The following SNX24 variants were observed in gnomAD, a reference collection of about 807,000 sequenced individuals.
The protein encoded by SNX24 is sorting nexin-24.
Under a neutral mutation model 28.7 loss-of-function variants are expected in SNX24, and 22 were observed. The ratio of observed to expected loss-of-function variants is 0.77; its 90% CI spans 0.55 to 1.10. SNX24 has a LOEUF of 1.10. SNX24 is among the 50% of genes least tolerant of loss of function. The pLI is 0.00. For missense variants in SNX24, 221 were observed against 201.1 expected (o/e 1.10, Z -0.60); for synonymous variants, 69 against 71.5 (o/e 0.96, Z 0.18).
intron 1 of SNX24, among the ~76,000 whole-genome samples, chr5:122,913,550 C>T (rs1271431416): frequency 2.6e-5 from 4 of 151,266 alleles, no homozygotes; most frequent in Non-Finnish European, 4.4e-5. Flanking sequence ...TCAGACAGGG[C>T]GGCTGCTGGG....
chr5:122,959,317 C>T lies in SNX24; in HGVS notation c.249+13158C>T, dbSNP rs565941475. On this transcript the variant is annotated intron_variant, in intron 3 of 6. Coordinates refer to ENST00000261369, the MANE Select transcript of SNX24 (RefSeq NM_014035.4). ...TTTTTTTCGTGTATTCCATTTATCT[C>T]TACTCTAATCTTTATTTCCTTCCTT... Among the ~76,000 whole-genome samples the T allele has an allele frequency of 2.7e-5, 4 of 147,884 alleles. No homozygotes were observed. The East Asian group carries it at 7.9e-4, about 29-fold the overall frequency.
chr5:122,902,421 A>G (rs1757481994), intron 1 of SNX24, among the ~76,000 whole-genome samples: 1 of 152,230 alleles, frequency 6.6e-6, no homozygotes, highest in Admixed American at 6.5e-5. Context: ...ACCAGGGAAG[A>G]TAACCACACA....
chr5:122,922,958 A>G (rs1758506040), intron 1 of SNX24, among the ~76,000 whole-genome samples: 2 of 152,190 alleles, frequency 1.3e-5, no homozygotes, highest in African/African-American at 4.8e-5. Context: ...TCACATTTTT[A>G]CAGTGCAACT....
At chr5:123,019,388 C>G (rs879711388) in intron 5 of SNX24, among the ~76,000 whole-genome samples, 3 of 151,514 alleles carry the variant, frequency 2.0e-5, no homozygotes, top group Admixed American at 6.6e-5. Flanking sequence ...TGTTGAAAAA[C>G]AAAAACAAAT....
intron 1 of SNX24, among the ~76,000 whole-genome samples, chr5:122,858,512 A>G (rs942779454): frequency 6.6e-6 from 1 of 152,208 alleles, no homozygotes; most frequent in East Asian, 1.9e-4. Context: ...ATTTTTGTCA[A>G]TGAGTCTTTA....
At chr5:122,914,237 G>A (rs1267655400) in intron 1 of SNX24, among the ~76,000 whole-genome samples, 1 of 152,188 alleles carries the variant, frequency 6.6e-6, no homozygotes, top group African/African-American at 2.4e-5. Flanking sequence ...TGCATCCCAG[G>A]GATGAAGCCC....
At chr5:123,006,207 G>T (rs1314492675) in intron 6 of SNX24, among the ~76,000 whole-genome samples, 2 of 152,184 alleles carry the variant, frequency 1.3e-5, no homozygotes, top group African/African-American at 2.4e-5. Flanking sequence ...CCTTTGGCAA[G>T]TCTCACGGGT....
intron 1 of SNX24, among the ~76,000 whole-genome samples, chr5:122,870,687 C>G (rs888983925): frequency 1.3e-5 from 2 of 152,148 alleles, no homozygotes; most frequent in African/African-American, 2.4e-5. Context: ...AGAGGGGAGA[C>G]TCATGCAGCA....
intron 3 of SNX24, among the ~76,000 whole-genome samples, chr5:122,996,246 CAAG>C (rs1000193688): frequency 2.0e-5 from 3 of 152,274 alleles, no homozygotes; most frequent in Non-Finnish European, 2.9e-5. Context: ...AAAACTGAAA[CAAG>C]AAGGCCAGCG....
chr5:123,012,187 ACTT>A (rs1219197359), downstream of SNX24, among the ~76,000 whole-genome samples: 1 of 152,106 alleles, frequency 6.6e-6, no homozygotes, highest in East Asian at 1.9e-4. Flanking sequence ...AGTCAATTAA[ACTT>A]CTTTCCTTTA....
chr5:123,009,660 A>G (rs1213410816), downstream of SNX24, among the ~76,000 whole-genome samples: 1 of 152,230 alleles, frequency 6.6e-6, no homozygotes, highest in Non-Finnish European at 1.5e-5. Context: ...TTAAACTTTT[A>G]ATGTGTAATT....
At chr5:122,955,565 G>A (rs73287233) in intron 3 of SNX24, among the ~76,000 whole-genome samples, 11 of 152,152 alleles carry the variant, frequency 7.2e-5, no homozygotes, top group South Asian at 2.1e-4. Context: ...GGATGTGGAA[G>A]ACATTACCTT....
At chr5:122,875,931 C>T (rs971376939) in intron 1 of SNX24, among the ~76,000 whole-genome samples, 1 of 152,176 alleles carries the variant, frequency 6.6e-6, no homozygotes, top group Non-Finnish European at 1.5e-5. Flanking sequence ...CTTATTAGCC[C>T]TGCATGGTGG....
At chr5:122,891,899 A>C (rs1756989996) in intron 1 of SNX24, among the ~76,000 whole-genome samples, 1 of 152,208 alleles carries the variant, frequency 6.6e-6, no homozygotes, top group African/African-American at 2.4e-5. Flanking sequence ...CTGTTGAGTG[A>C]CCAAAAGTTT....
chr5:122,993,761 A>G (rs986305923), intron 3 of SNX24, among the ~76,000 whole-genome samples: 3 of 152,160 alleles, frequency 2.0e-5, no homozygotes, highest in African/African-American at 7.2e-5. Flanking sequence ...ACTGCAGCCC[A>G]TTTACTGCAG....
chr5:123,014,002 G>T (rs1762638072), downstream of SNX24, among the ~76,000 whole-genome samples: 1 of 152,196 alleles, frequency 6.6e-6, no homozygotes. Context: ...TCATGTTAAT[G>T]GACCATCTCA....
intron 3 of SNX24, among the ~76,000 whole-genome samples, chr5:122,955,308 A>G (rs923617306): frequency 6.6e-6 from 1 of 152,074 alleles, no homozygotes; most frequent in Non-Finnish European, 1.5e-5. Flanking sequence ...TGTATTTATA[A>G]TTACTCACTG....
intron 6 of SNX24, among the ~76,000 whole-genome samples, chr5:123,007,120 A>G (rs1160078511): frequency 1.3e-5 from 2 of 152,066 alleles, no homozygotes; most frequent in Admixed American, 1.3e-4. Flanking sequence ...ATAATAATGG[A>G]GCTGTGTTTT....
At chr5:123,010,184 C>G (rs1338891338), downstream of SNX24, among the ~76,000 whole-genome samples, 1 of 152,184 alleles carries the variant, frequency 6.6e-6, no homozygotes, top group Non-Finnish European at 1.5e-5. Context: ...CTCCCTTCAA[C>G]GCACATCCAG....
Sources: gnomAD v4.1 joint callset for allele counts (sites outside exome capture counted in the v4.1 genomes callset) on GRCh38, gnomAD v4.1.1 for gene constraint, MANE v1.5 for transcripts, NCBI Gene and HGNC (gene_info 2026-07-23, HGNC 2026-07-21) for gene names.